KLHL29: variants seen among roughly 807,000 people sequenced by gnomAD.
KLHL29 encodes kelch like family member 29, also known as kelch-like protein 29.
KLHL29 carries 21 observed loss-of-function variants against 80.4 expected under a neutral mutation model. The observed-to-expected ratio is 0.26, with a 90% CI of 0.19 to 0.38. The LOEUF (loss-of-function observed/expected upper bound fraction) is 0.38. Among genes scored for constraint, KLHL29 ranks in the 10% least tolerant of loss-of-function variants. The pLI, the probability that KLHL29 is intolerant of heterozygous loss-of-function variation, is 1.00. For missense variants in KLHL29, 867 were observed against 1,223.9 expected (o/e 0.71, Z 4.35); for synonymous variants, 511 against 526.8 (o/e 0.97, Z 0.41).
At chr2:23,613,406 T>G (rs1233257230) in intron 3 of KLHL29, among the ~76,000 whole-genome samples, 3 of 152,182 alleles carry the variant, frequency 2.0e-5, no homozygotes, top group Non-Finnish European at 2.9e-5. Context: ...CAGGTGTAGC[T>G]ACATCAGTAT....
At chr2:23,452,292 G>T (rs1663904902) in intron 1 of KLHL29, among the ~76,000 whole-genome samples, 1 of 151,740 alleles carries the variant, frequency 6.6e-6, no homozygotes, top group Non-Finnish European at 1.5e-5. Context: ...AAAGTGCTAG[G>T]ATTACAGGTG....
rs534556517 is a variant in KLHL29, at chr2:23,607,664, T to A, written c.286-31475T>A. Among the ~76,000 whole-genome samples, 4 of 152,270 alleles carry A rather than the reference T, an allele frequency of 2.6e-5. No individual in the cohort carries two copies. The South Asian group carries it at 8.3e-4, about 32-fold the overall frequency. On this transcript the variant is annotated intron_variant, in intron 3 of 13. Coordinates refer to ENST00000486442, the MANE Select transcript of KLHL29 (RefSeq NM_052920.2). ...AGCCAGCATGACCACCTGAGCTCCA[T>A]CTCCTGTCAGATCAGCAATGACAAT...
chr2:23,413,681 C>G (rs1003958459), intron 1 of KLHL29, among the ~76,000 whole-genome samples: 7 of 152,130 alleles, frequency 4.6e-5, no homozygotes, highest in Non-Finnish European at 1.0e-4. Context: ...GATTCATGGC[C>G]CTGCAGTGTT....
chr2:23,522,295 G>A (rs5016716), intron 2 of KLHL29, among the ~76,000 whole-genome samples: 2,288 of 152,134 alleles, frequency 0.015, 21 homozygotes, highest in Non-Finnish European at 0.022. Context: ...GACTATAGGC[G>A]TGTACCATCA....
chr2:23,605,344 C>CA (rs1668681201), intron 3 of KLHL29, among the ~76,000 whole-genome samples: 4 of 151,864 alleles, frequency 2.6e-5, no homozygotes, highest in Admixed American at 2.6e-4. Context: ...GCAGTCCTCC[C>CA]ACCTCGGCCT....
intron 5 of KLHL29, among the ~76,000 whole-genome samples, chr2:23,671,009 C>CCCCCA (rs1670730065): frequency 2.1e-5 from 1 of 46,702 alleles, no homozygotes; most frequent in Non-Finnish European, 4.3e-5. Flanking sequence ...TCCCCCCCCC[C>CCCCCA]ACCTCCTCCC....
At chr2:23,651,393 T>C (rs1254965855) in intron 5 of KLHL29, among the ~76,000 whole-genome samples, 1 of 151,818 alleles carries the variant, frequency 6.6e-6, no homozygotes, top group Non-Finnish European at 1.5e-5. Flanking sequence ...TGCCCTCCCC[T>C]CTTGCAAATG....
intron 1 of KLHL29, among the ~76,000 whole-genome samples, chr2:23,469,300 G>C (rs1374754590): frequency 6.6e-6 from 1 of 152,222 alleles, no homozygotes; most frequent in East Asian, 1.9e-4. Context: ...AAAGGCTACT[G>C]TGTGTTGCTC....
At chr2:23,524,280 C>T (rs1666212053) in intron 2 of KLHL29, 1 of 245,324 alleles carries the variant, frequency 4.1e-6, no homozygotes, top group Non-Finnish European at 8.5e-6. Flanking sequence ...GCAGGCAGGG[C>T]AGAAGAGACT....
chr2:23,512,086 C>T (rs12614051), intron 2 of KLHL29, among the ~76,000 whole-genome samples: 21,281 of 152,172 alleles, frequency 0.14, 2,180 homozygotes, highest in East Asian at 0.56. Flanking sequence ...TGCACTTCCA[C>T]TTACTGGCTG....
intron 5 of KLHL29, chr2:23,672,250 C>T (rs1450056669): frequency 6.6e-6 from 1 of 152,532 alleles, no homozygotes; most frequent in Non-Finnish European, 1.5e-5. Flanking sequence ...TGACATGGCC[C>T]AGATCCCCCC....
chr2:23,551,178 C>T (rs1049678771), intron 2 of KLHL29, among the ~76,000 whole-genome samples: 2 of 152,202 alleles, frequency 1.3e-5, no homozygotes, highest in African/African-American at 4.8e-5. Context: ...TTTATACACG[C>T]CTCCCTTCTT....
chr2:23,466,075 A>C (rs1432654174), intron 1 of KLHL29, among the ~76,000 whole-genome samples: 1 of 151,274 alleles, frequency 6.6e-6, no homozygotes, highest in East Asian at 1.9e-4. Flanking sequence ...CCAAGAGTAC[A>C]CTCTTTAAGG....
intron 1 of KLHL29, among the ~76,000 whole-genome samples, chr2:23,428,619 C>T (rs1019976820): frequency 2.0e-5 from 3 of 152,182 alleles, no homozygotes; most frequent in Non-Finnish European, 4.4e-5. Context: ...GCCACACACA[C>T]ACTTAATTAT....
At chr2:23,402,317 A>G (rs1666615471) in intron 1 of KLHL29, among the ~76,000 whole-genome samples, 1 of 152,268 alleles carries the variant, frequency 6.6e-6, no homozygotes, top group South Asian at 2.1e-4. Context: ...GTGTGGCTCA[A>G]TAAAGGATTC....
At chr2:23,426,986 T>C (rs1663022365) in intron 1 of KLHL29, among the ~76,000 whole-genome samples, 1 of 152,192 alleles carries the variant, frequency 6.6e-6, no homozygotes, top group Non-Finnish European at 1.5e-5. Context: ...TAGCACTCTT[T>C]TATAGAGTGA....
intron 1 of KLHL29, among the ~76,000 whole-genome samples, chr2:23,469,943 C>T (rs531318353): frequency 6.6e-6 from 1 of 151,384 alleles, no homozygotes; most frequent in Admixed American, 6.6e-5. Flanking sequence ...GGGATATGTG[C>T]CAGCATTGAG....
chr2:23,685,306 C>T (rs1385836896), intron 6 of KLHL29: 1 of 151,932 alleles, frequency 6.6e-6, no homozygotes, highest in Non-Finnish European at 1.5e-5. Context: ...GCAAAGAAGT[C>T]AGGGGCCACC....
intron 1 of KLHL29, among the ~76,000 whole-genome samples, chr2:23,387,502 G>A (rs1197145451): frequency 3.9e-5 from 5 of 126,928 alleles, no homozygotes; most frequent in African/African-American, 6.7e-5. Context: ...CCTCATTCCT[G>A]ATTTATTATT....
Sources: allele counts gnomAD v4.1 joint callset (sites outside exome capture counted in the v4.1 genomes callset), GRCh38; gene constraint gnomAD v4.1.1; transcripts MANE v1.5; gene names NCBI Gene and HGNC (gene_info 2026-07-23, HGNC 2026-07-21).